Variants in SLC24A4 observed in about 807,000 individuals in gnomAD.
SLC24A4 encodes sodium/potassium/calcium exchanger 4.
SLC24A4 carries 53 observed loss-of-function variants against 79.0 expected under a neutral mutation model. The ratio of observed to expected loss-of-function variants is 0.67; its 90% confidence interval spans 0.54 to 0.84. SLC24A4 has a LOEUF of 0.84. Ranked by LOEUF, SLC24A4 falls within the 40% of genes least tolerant of loss-of-function variation. The pLI is 0.00. For missense variants in SLC24A4, 731 were observed against 822.0 expected (o/e 0.89, Z 1.35); for synonymous variants, 323 against 323.8 (o/e 1.00, Z 0.03).
At chr14:92,425,156 G>T (rs1359938872) in intron 2 of SLC24A4, among the ~76,000 whole-genome samples, 1 of 152,208 alleles carries the variant, frequency 6.6e-6, no homozygotes, top group African/African-American at 2.4e-5. Context: ...ACAGGCAGAA[G>T]GTGGCTATCT....
intron 2 of SLC24A4, among the ~76,000 whole-genome samples, chr14:92,432,836 T>C (rs1350622141): frequency 1.3e-5 from 2 of 152,090 alleles, no homozygotes; most frequent in African/African-American, 2.4e-5. Flanking sequence ...TAGGGCCCAA[T>C]TATATTTGCA....
Position 92,323,605 on chromosome 14 carries a change from G to C in SLC24A4, c.-226G>C, listed in dbSNP as rs1334877723. ...CACGGAGCCATGGTGCGCGCAGCGC[G>C]CACGCGGCGCGCGGGACTCTGAGCT... On this transcript the variant is annotated 5_prime_UTR_variant, in exon 1 of 17. Coordinates refer to ENST00000532405, the MANE Select transcript of SLC24A4 (RefSeq NM_153646.4). The surrounding 1 kb of genome is among the most constrained non-coding windows in gnomAD (Gnocchi z 4.9). 21 of 402,468 alleles carry C rather than the reference G, an allele frequency of 5.2e-5. No individual in the cohort carries two copies. The highest frequency in any genetic ancestry group is 8.2e-5 in the Non-Finnish European group (19 of 232,960). The allele number at this position is 402,468 out of a possible 1,614,324, so 24.9% of individuals were successfully genotyped here.
At chr14:92,349,700 C>T (rs1321063684) in intron 2 of SLC24A4, among the ~76,000 whole-genome samples, 2 of 152,214 alleles carry the variant, frequency 1.3e-5, no homozygotes, top group East Asian at 3.8e-4. Context: ...CCTCACGTTG[C>T]TGTAGGCATT....
chr14:92,327,190 A>G (rs941041979), intron 2 of SLC24A4, among the ~76,000 whole-genome samples: 2 of 152,176 alleles, frequency 1.3e-5, no homozygotes, highest in African/African-American at 4.8e-5. Flanking sequence ...CAAAGTTTTC[A>G]TACTGTTTTT....
intron 2 of SLC24A4, among the ~76,000 whole-genome samples, chr14:92,359,676 T>C (rs1887389745): frequency 1.3e-5 from 2 of 152,072 alleles, no homozygotes; most frequent in South Asian, 4.1e-4. Context: ...AACAAGTAAT[T>C]ATAAAGTAAA....
chr14:92,377,711 G>A (rs74072683), intron 2 of SLC24A4, among the ~76,000 whole-genome samples: 4,818 of 152,208 alleles, frequency 0.032, 266 homozygotes, highest in African/African-American at 0.11. Context: ...TGTGGAAGAC[G>A]GATCTGAATG....
intron 8 of SLC24A4, among the ~76,000 whole-genome samples, chr14:92,446,905 C>T (rs1398804724): frequency 2.0e-5 from 3 of 152,290 alleles, no homozygotes; most frequent in South Asian, 2.1e-4. Flanking sequence ...TGCCACCTGC[C>T]GCATATTCAG....
At chr14:92,372,893 C>G (rs183780271) in intron 2 of SLC24A4, among the ~76,000 whole-genome samples, 15 of 112,266 alleles carry the variant, frequency 1.3e-4, no homozygotes, top group African/African-American at 5.0e-4. Flanking sequence ...TCCTTCCTTC[C>G]TTCCTTCCTT....
chr14:92,356,689 G>T (rs1887199778), intron 2 of SLC24A4, among the ~76,000 whole-genome samples: 1 of 152,184 alleles, frequency 6.6e-6, no homozygotes, highest in African/African-American at 2.4e-5. Flanking sequence ...ACATTGGCAT[G>T]GTATAGACCT....
intron 7 of SLC24A4, 76 bp downstream of exon 7, chr14:92,443,550 C>G: frequency 6.9e-7 from 1 of 1,447,814 alleles, no homozygotes; most frequent in Admixed American, 1.8e-5. Context: ...CCATCTCTGC[C>G]CCTGGCACTG....
At position 92,482,781 on chromosome 14, in the gene SLC24A4, T is replaced by C; in HGVS notation, c.1357T>C (p.Phe453Leu). Residue 453 changes from phenylalanine (F) to leucine (L), a missense_variant, in exon 13 of 17, where the codon TTC (phenylalanine) becomes CTC (leucine). Phe to Leu is a conservative substitution (Grantham distance 22). Transcript: ENST00000532405. ...NCSKPRWEKF[F>L]MVTFITATLW... Reference sequence around the variant, plus strand: ...CAGCAAGCCCCGCTGGGAGAAGTTCTTCATGGTCACCTTCATCACCGCCAC... The same window carrying C: ...CAGCAAGCCCCGCTGGGAGAAGTTCCTCATGGTCACCTTCATCACCGCCAC... The C allele has an allele frequency of 1.2e-6, 2 of 1,613,960 alleles. No individual in the cohort carries two copies. The highest frequency in any genetic ancestry group is 8.5e-7 in the Non-Finnish European group (1 of 1,179,988).
intron 14 of SLC24A4, 37 bp downstream of exon 14, chr14:92,486,817 G>T: frequency 6.8e-7 from 1 of 1,476,432 alleles, no homozygotes; most frequent in South Asian, 1.2e-5. Flanking sequence ...GTCATGCAGT[G>T]CAGGCCACTG....
At position 92,464,867 on chromosome 14, in the gene SLC24A4, G is replaced by A. The variant is rs144497870; in HGVS notation, c.1255+8259G>A. On this transcript the variant is annotated intron_variant, in intron 12 of 16. Transcript: ENST00000532405. ...TTCACATGGACCAGACCCAAGGGCC[G>A]CCAAGAAACCTGTGCAGCTTTTAGA... 2.5e-3 allele frequency among the ~76,000 whole-genome samples: 383 copies of A among 152,280 alleles called. 8 individuals carry two copies. The highest frequency in any genetic ancestry group is 0.018 in the Admixed American group (272 of 15,304).
chr14:92,354,108 G>A (rs527627645), intron 2 of SLC24A4, among the ~76,000 whole-genome samples: 11 of 152,276 alleles, frequency 7.2e-5, no homozygotes, highest in Admixed American at 5.9e-4. Flanking sequence ...TGAGGAAGGC[G>A]TGTTTAGCCT....
chr14:92,431,740 G>A (rs1595269760), intron 2 of SLC24A4, among the ~76,000 whole-genome samples: 1 of 152,198 alleles, frequency 6.6e-6, no homozygotes, highest in East Asian at 1.9e-4. Flanking sequence ...CAAGGCGTGA[G>A]GCTGAACAAG....
chr14:92,482,814 A>G lies in SLC24A4; in HGVS notation c.1390A>G (p.Ile464Val), dbSNP rs374109929. 6.2e-7 allele frequency: 1 copy of G among 1,613,728 alleles called. No individual in the cohort carries two copies. The highest frequency in any genetic ancestry group is 2.2e-5 in the East Asian group (1 of 44,882). The change falls in exon 13 of 17, where the codon ATC becomes GTC. Residue 464 changes from isoleucine to valine, a missense_variant. Coordinates refer to ENST00000532405, the MANE Select transcript of SLC24A4 (RefSeq NM_153646.4). ...MVTFITATLW[I>V]AVFSYIMVWL... ...CACCTTCATCACCGCCACGCTGTGG[A>G]TCGCTGTGTTCTCCTACATCATGGT...
intron 2 of SLC24A4, among the ~76,000 whole-genome samples, chr14:92,346,889 T>C (rs1263783036): frequency 6.6e-6 from 1 of 152,088 alleles, no homozygotes; most frequent in Non-Finnish European, 1.5e-5. Context: ...GGATGTGGCC[T>C]CTCTTGCTCT....
intron 3 of SLC24A4, among the ~76,000 whole-genome samples, chr14:92,436,358 T>C (rs1429699254): frequency 6.6e-6 from 1 of 152,210 alleles, no homozygotes; most frequent in Admixed American, 6.5e-5. Context: ...GGCTCGTTTT[T>C]GTTTCACAAC....
intron 2 of SLC24A4, among the ~76,000 whole-genome samples, chr14:92,357,605 A>G (rs1420117911): frequency 1.3e-5 from 2 of 152,246 alleles, no homozygotes; most frequent in African/African-American, 4.8e-5. Flanking sequence ...AAGGACAAAT[A>G]GTGTATGACT....
Sources: gnomAD v4.1 joint callset for allele counts (sites outside exome capture counted in the v4.1 genomes callset) on GRCh38, gnomAD v4.1.1 for gene constraint, Gnocchi (gnomAD v3.1) non-coding constraint, MANE v1.5 for transcripts, NCBI Gene and HGNC (gene_info 2026-07-23, HGNC 2026-07-21) for gene names.